Variants in CHST9 observed in about 807,000 individuals in gnomAD.
CHST9 encodes the protein GalNAc-4-sulfotransferase 2.
Under a neutral mutation model 44.4 loss-of-function variants are expected in CHST9, and 41 were observed. That is an observed-to-expected ratio of 0.92 (90% CI 0.72 to 1.20). CHST9 has a LOEUF of 1.20. Ranked by LOEUF, CHST9 falls within the 50% of genes most tolerant of loss-of-function variation. The pLI is 0.00. For missense variants in CHST9, 504 were observed against 516.5 expected, an observed-to-expected ratio of 0.98 and a Z score of 0.23; for synonymous variants, 171 against 178.4, an observed-to-expected ratio of 0.96 and a Z score of 0.33.
At chr18:27,067,869 A>C (rs1474393578) in intron 2 of CHST9, among the ~76,000 whole-genome samples, 1 of 152,168 alleles carries the variant, frequency 6.6e-6, no homozygotes, top group East Asian at 1.9e-4. Flanking sequence ...CTCAAAGCAG[A>C]TATTTAAAAT....
chr18:27,078,849 G>A (rs1480449524), intron 2 of CHST9, among the ~76,000 whole-genome samples: 16 of 152,208 alleles, frequency 1.1e-4, no homozygotes, highest in Admixed American at 9.8e-4. Flanking sequence ...CCATCAAAGT[G>A]CCATAAATAT....
intron 4 of CHST9, among the ~76,000 whole-genome samples, chr18:27,004,343 CT>C (rs34600421): frequency 0.64 from 94,752 of 147,590 alleles, 30,526 homozygotes; most frequent in African/African-American, 0.72. Flanking sequence ...TCTTTTCTGT[CT>C]TTTTTTTTTT....
intron 2 of CHST9, among the ~76,000 whole-genome samples, chr18:27,064,829 A>T (rs2057764089): frequency 6.6e-6 from 1 of 152,252 alleles, no homozygotes; most frequent in Admixed American, 6.5e-5. Context: ...TTTGAAATAG[A>T]TTGCCAGCAG....
intron 4 of CHST9, among the ~76,000 whole-genome samples, chr18:26,945,134 GTTA>G (rs1284489040): frequency 2.0e-5 from 3 of 152,130 alleles, no homozygotes; most frequent in African/African-American, 7.2e-5. Context: ...TGGCATCACA[GTTA>G]TTATGTGTTT....
chr18:27,089,810 C>CTT (rs56057285), intron 2 of CHST9, among the ~76,000 whole-genome samples: 42,539 of 124,566 alleles, frequency 0.34, 8,373 homozygotes, highest in South Asian at 0.52. Flanking sequence ...TGTTTCCTGA[C>CTT]TTTTTTTTTT....
At chr18:26,978,813 T>TA (rs2056656719) in intron 4 of CHST9, among the ~76,000 whole-genome samples, 1 of 152,150 alleles carries the variant, frequency 6.6e-6, no homozygotes, top group African/African-American at 2.4e-5. Context: ...TTCAAAGTGT[T>TA]ATGCAAATTC....
chr18:27,013,040 C>T (rs936670519), intron 4 of CHST9, among the ~76,000 whole-genome samples: 1 of 152,176 alleles, frequency 6.6e-6, no homozygotes, highest in Non-Finnish European at 1.5e-5. Flanking sequence ...GCAGTGGAGT[C>T]CTGCCTTCCA....
intron 2 of CHST9, among the ~76,000 whole-genome samples, chr18:27,090,729 C>T (rs2058060039): frequency 6.6e-6 from 1 of 152,070 alleles, no homozygotes. Flanking sequence ...TTGTTTTTGT[C>T]AGGTTTGTCA....
At chr18:26,972,432 G>GAGTCAGTC (rs1264658039) in intron 4 of CHST9, among the ~76,000 whole-genome samples, 2 of 150,382 alleles carry the variant, frequency 1.3e-5, no homozygotes, top group African/African-American at 4.9e-5. Flanking sequence ...GGAGGTGACA[G>GAGTCAGTC]AGTCAGTCAT....
chr18:27,096,998 C>T (rs912602164), intron 2 of CHST9, among the ~76,000 whole-genome samples: 1 of 151,978 alleles, frequency 6.6e-6, no homozygotes, highest in Non-Finnish European at 1.5e-5. Context: ...GGCCAACATC[C>T]CTGAAGAACA....
At chr18:26,975,666 T>TAA (rs2056609391) in intron 4 of CHST9, among the ~76,000 whole-genome samples, 1 of 144,324 alleles carries the variant, frequency 6.9e-6, no homozygotes, top group Non-Finnish European at 1.5e-5. Flanking sequence ...TATATATATA[T>TAA]ATAAATATAT....
At chr18:26,949,069 C>A (rs1347238220) in intron 4 of CHST9, among the ~76,000 whole-genome samples, 1 of 152,038 alleles carries the variant, frequency 6.6e-6, no homozygotes, top group Non-Finnish European at 1.5e-5. Context: ...GTGGCCAAAG[C>A]AGTTCTTGAG....
intron 2 of CHST9, among the ~76,000 whole-genome samples, chr18:27,097,791 T>A (rs2058131937): frequency 6.6e-6 from 1 of 152,156 alleles, no homozygotes; most frequent in Admixed American, 6.5e-5. Context: ...AGTTTCTGTT[T>A]TCTGCATATG....
At chr18:27,044,139 A>C (rs1217864783) in intron 3 of CHST9, among the ~76,000 whole-genome samples, 1 of 151,970 alleles carries the variant, frequency 6.6e-6, no homozygotes. Context: ...TCTTCCAGGA[A>C]GCCCTCCCTG....
At chr18:27,183,106 T>A (rs985635567) in intron 1 of CHST9, among the ~76,000 whole-genome samples, 1 of 137,680 alleles carries the variant, frequency 7.3e-6, no homozygotes, top group African/African-American at 2.6e-5. Context: ...TTCTCTCTGT[T>A]AACAAAAAGG....
intron 2 of CHST9, among the ~76,000 whole-genome samples, chr18:27,055,338 C>T (rs571494741): frequency 3.0e-4 from 46 of 152,140 alleles, no homozygotes; most frequent in African/African-American, 1.1e-3. Context: ...AAAAAACTCG[C>T]AATATTTTTG....
At chr18:27,021,946 A>G (rs986758086) in intron 4 of CHST9, among the ~76,000 whole-genome samples, 2 of 151,588 alleles carry the variant, frequency 1.3e-5, no homozygotes, top group Non-Finnish European at 2.9e-5. Context: ...TAGCCTCCTG[A>G]GTAGCTGGGA....
intron 2 of CHST9, among the ~76,000 whole-genome samples, chr18:27,080,893 T>C (rs1334920531): frequency 4.6e-5 from 7 of 152,062 alleles, no homozygotes; most frequent in African/African-American, 1.7e-4. Flanking sequence ...TTAGGCTCCA[T>C]GAATCTGAAG....
At chr18:27,075,179 G>GTT (rs67114014) in intron 2 of CHST9, among the ~76,000 whole-genome samples, 16 of 141,726 alleles carry the variant, frequency 1.1e-4, no homozygotes, top group South Asian at 2.3e-4. Context: ...TTTGTTTTTT[G>GTT]TTTTTTTTTT....
Sources: gnomAD v4.1 joint callset for allele counts (sites outside exome capture counted in the v4.1 genomes callset) on GRCh38, gnomAD v4.1.1 for gene constraint, MANE v1.5 for transcripts, NCBI Gene and HGNC (gene_info 2026-07-23, HGNC 2026-07-21) for gene names.